The following HEATR3 variants were observed in gnomAD, a reference collection of about 807,000 sequenced individuals.
The protein encoded by HEATR3 is HEAT repeat containing 3, also known as HEAT repeat-containing protein 3.
In HEATR3, 56 loss-of-function variants were observed where a neutral mutation model predicts 72.8. That is an observed-to-expected ratio of 0.77 (90% CI 0.62 to 0.96). The LOEUF (loss-of-function observed/expected upper bound fraction) is 0.96, where lower values mean the gene tolerates loss of function less well. HEATR3 is among the 40% of genes least tolerant of loss of function. HEATR3 has a pLI of 0.00. For missense variants in HEATR3, 747 were observed against 831.4 expected, an observed-to-expected ratio of 0.90 and a Z score of 1.25; for synonymous variants, 331 against 318.1, an observed-to-expected ratio of 1.04 and a Z score of -0.43.
At position 50,075,719 on chromosome 16, in the gene HEATR3, T is replaced by G. The variant is rs1367806109; in HGVS notation, c.763+8T>G. 2 of 1,610,520 alleles carry G rather than the reference T, an allele frequency of 1.2e-6. No homozygotes were observed. The highest frequency in any genetic ancestry group is 1.3e-5 in the African/African-American group (1 of 74,916). On this transcript the variant is annotated splice_region_variant and intron_variant, in intron 6 of 14. Coordinates refer to ENST00000299192, the MANE Select transcript of HEATR3 (RefSeq NM_182922.4). ...TGAAGACATTGGTAGCAGGTAAAAT[T>G]TAGCCTTACGGCATAGTATATTGTT...
intron 12 of HEATR3, chr16:50,098,188 A>C (rs372254930): frequency 3.7e-4 from 56 of 152,262 alleles, no homozygotes; most frequent in African/African-American, 1.2e-3. Flanking sequence ...TGTATCCCCC[A>C]AAAAGATACA....
intron 12 of HEATR3, among the ~76,000 whole-genome samples, chr16:50,096,619 C>T (rs572072905): frequency 2.1e-4 from 32 of 151,830 alleles, no homozygotes; most frequent in South Asian, 4.2e-4. Context: ...GCCAACGTGG[C>T]GAAACCCTAT....
Position 50,094,736 on chromosome 16 carries a change from C to T in HEATR3, c.1542C>T (p.Ala514=). The change falls in exon 12 of 15, where the codon GCC becomes GCT. Residue 514 remains alanine (A), a synonymous_variant. Coordinates refer to ENST00000299192, the MANE Select transcript of HEATR3 (RefSeq NM_182922.4). ...CTAAACATGTTGACTTTCTAGAAGC[C>T]ATAAGTAGTGCTTTGAGGGCCCTTT... ...DFAKHVDFLE[A]ISSALRALLQ... 2 of 1,588,838 alleles carry T rather than the reference C, an allele frequency of 1.3e-6. No homozygotes were observed. The highest frequency in any genetic ancestry group is 1.8e-5 in the Admixed American group (1 of 55,672).
Position 50,094,677 on chromosome 16 carries a change from A to G in HEATR3, c.1511-28A>G, listed in dbSNP as rs188055476. 4.4e-3 allele frequency: 6,047 copies of G among 1,388,642 alleles called. 17 individuals are homozygous for G. The highest frequency in any genetic ancestry group is 5.3e-3 in the Non-Finnish European group (5,437 of 1,025,540). 86.0% of individuals were successfully genotyped at this position (1,388,642 alleles called of 1,614,324 possible). On this transcript the variant is annotated intron_variant, in intron 11 of 14. Coordinates refer to ENST00000299192, the MANE Select transcript of HEATR3 (RefSeq NM_182922.4). ...AAATAGCCTATCTTGGAGAAATGCA[A>G]ATTTTATATTTCATTTTTGTGTTTT...
At chr16:50,072,581 CTTT>C in intron 4 of HEATR3, 21 bp from the exon 5 acceptor site, 1 of 1,471,386 alleles carries the variant, frequency 6.8e-7, no homozygotes. Context: ...AATAGTAAAA[CTTT>C]TTTTTCCCCC....
intron 12 of HEATR3, chr16:50,098,504 A>C (rs2037295448): frequency 6.6e-6 from 1 of 152,092 alleles, no homozygotes; most frequent in Admixed American, 6.6e-5. Context: ...AAAATACAAA[A>C]AATTAGCCGG....
intron 12 of HEATR3, among the ~76,000 whole-genome samples, chr16:50,095,405 CTTT>C (rs60357183): frequency 0.67 from 91,272 of 135,890 alleles, 30,718 homozygotes; most frequent in Admixed American, 0.71. Context: ...CCGTACCCAG[CTTT>C]TTTTTTTTTT....
At chr16:50,101,262 C>T (rs568683502) in intron 13 of HEATR3, among the ~76,000 whole-genome samples, 2 of 151,900 alleles carry the variant, frequency 1.3e-5, no homozygotes, top group South Asian at 4.2e-4. Flanking sequence ...ATTACAGGTG[C>T]CCACTACCAC....
intron 14 of HEATR3, 78 bp downstream of exon 14, chr16:50,102,513 C>A: frequency 7.7e-7 from 1 of 1,306,758 alleles, no homozygotes; most frequent in Non-Finnish European, 1.1e-6. Flanking sequence ...TACCGCTGTG[C>A]AACTCAGAAG....
At chr16:50,071,551 A>G (rs910445146) in intron 4 of HEATR3, among the ~76,000 whole-genome samples, 1 of 152,224 alleles carries the variant, frequency 6.6e-6, no homozygotes, top group South Asian at 2.1e-4. Context: ...CTGAATACCT[A>G]TGAGCCCTGT....
intron 11 of HEATR3, among the ~76,000 whole-genome samples, chr16:50,092,045 G>A (rs955565205): frequency 6.6e-6 from 1 of 151,940 alleles, no homozygotes; most frequent in African/African-American, 2.4e-5. Flanking sequence ...AAGTTTAATA[G>A]CAACAAATTG....
chr16:50,093,359 A>G (rs1238390998), intron 11 of HEATR3, among the ~76,000 whole-genome samples: 2 of 152,186 alleles, frequency 1.3e-5, no homozygotes, highest in Non-Finnish European at 2.9e-5. Context: ...AAGAATTTAG[A>G]CAGGGCACAG....
rs540047001 is a variant in HEATR3 at position 50,089,443 on chromosome 16, G to C, written c.1510+3092G>C. Among the ~76,000 whole-genome samples the C allele has an allele frequency of 7.9e-5, 12 of 152,262 alleles. No homozygotes were observed. In the East Asian group the frequency reaches 2.3e-3, roughly 29 times the overall value. ...TAATGGGTTTGGATGGTTACTGCTG[G>C]GGGAAGAGGGCCATTACAATACCTC... On this transcript the variant is annotated intron_variant, in intron 11 of 14. Coordinates refer to ENST00000299192, the MANE Select transcript of HEATR3 (RefSeq NM_182922.4).
chr16:50,075,742 G>A (rs768492358), intron 6 of HEATR3, 31 bp downstream of exon 6: 35 of 1,587,346 alleles, frequency 2.2e-5, no homozygotes, highest in Non-Finnish European at 2.8e-5. Context: ...ATAGTATATT[G>A]TTTCAGTAGC....
chr16:50,067,647 AC>A (rs2036528570), intron 2 of HEATR3, among the ~76,000 whole-genome samples: 1 of 152,146 alleles, frequency 6.6e-6, no homozygotes, highest in Non-Finnish European at 1.5e-5. Flanking sequence ...ATGCTGCAAC[AC>A]ATTTTGTGAA....
chr16:50,078,099 A>G (rs768579268), intron 6 of HEATR3, among the ~76,000 whole-genome samples: 2 of 150,852 alleles, frequency 1.3e-5, no homozygotes, highest in African/African-American at 2.4e-5. Context: ...CTTGTCTCGA[A>G]CTCCTGACCT....
At position 50,075,728 on chromosome 16, in the gene HEATR3, C is replaced by G; in HGVS notation, c.763+17C>G. On this transcript the variant is annotated intron_variant, in intron 6 of 14. Transcript: ENST00000299192. ...TGGTAGCAGGTAAAATTTAGCCTTA[C>G]GGCATAGTATATTGTTTCAGTAGCT... 3 of 1,607,170 alleles carry G rather than the reference C, an allele frequency of 1.9e-6. No homozygotes were observed. The highest frequency in any genetic ancestry group is 2.6e-6 in the Non-Finnish European group (3 of 1,175,618).
chr16:50,084,563 A>T lies in HEATR3; in HGVS notation c.1291-6A>T, dbSNP rs75442741. On this transcript the variant is annotated splice_polypyrimidine_tract_variant and splice_region_variant and intron_variant, in intron 9 of 14. Coordinates refer to ENST00000299192, the MANE Select transcript of HEATR3 (RefSeq NM_182922.4). ...ACCTTTGCTTTACTGCCTCTTTTAA[A>T]TCTAGATTTTTGAGAAAACTGCCTT... The T allele has an allele frequency of 7.2e-4, 1,158 of 1,604,770 alleles. 7 individuals carry two copies. In the African/African-American group the frequency reaches 0.01, roughly 14 times the overall value.
rs115261620 is a variant in HEATR3, at chr16:50,104,286, G to A, written c.1921-653G>A. 4.6e-3 allele frequency among the ~76,000 whole-genome samples: 697 copies of A among 152,222 alleles called. 9 individuals carry two copies. The highest frequency in any genetic ancestry group is 0.016 in the African/African-American group (658 of 41,554). Reference sequence around the variant, plus strand: ...GAGGATCACTTGCGTCCGGGAGGTCGAGGCTGCAGTGACCCATGACTGCAG... The same window carrying A: ...GAGGATCACTTGCGTCCGGGAGGTCAAGGCTGCAGTGACCCATGACTGCAG... On this transcript the variant is annotated intron_variant, in intron 14 of 14. Coordinates refer to ENST00000299192, the MANE Select transcript of HEATR3 (RefSeq NM_182922.4).
Sources: gnomAD v4.1 joint callset for allele counts (sites outside exome capture counted in the v4.1 genomes callset) on GRCh38, gnomAD v4.1.1 for gene constraint, MANE v1.5 for transcripts, NCBI Gene and HGNC (gene_info 2026-07-23, HGNC 2026-07-21) for gene names.